AGMO: variants seen among roughly 807,000 people sequenced by gnomAD.
AGMO encodes alkylglycerol monooxygenase.
A neutral mutation model predicts 60.2 loss-of-function variants in AGMO; 75 were observed. That is an observed-to-expected ratio of 1.25 (90% CI 1.03 to 1.51). The LOEUF (loss-of-function observed/expected upper bound fraction) is 1.51, where lower values mean the gene tolerates loss of function less well. AGMO is among the 40% of genes most tolerant of loss of function. The pLI, the probability that AGMO is intolerant of heterozygous loss-of-function variation, is 0.00. For missense variants in AGMO, 763 were observed against 525.5 expected (o/e 1.45, Z -4.42); for synonymous variants, 261 against 177.1 (o/e 1.47, Z -3.76).
chr7:15,437,531 C>CTT (rs201021445), intron 3 of AGMO, among the ~76,000 whole-genome samples: 34 of 120,582 alleles, frequency 2.8e-4, no homozygotes, highest in East Asian at 1.1e-3. Context: ...AAATTTTTTC[C>CTT]TTTTTTTTTT....
At chr7:15,509,295 A>G (rs2128529355) in intron 3 of AGMO, among the ~76,000 whole-genome samples, 1 of 152,254 alleles carries the variant, frequency 6.6e-6, no homozygotes. Context: ...CTAATTTTCA[A>G]CAACACCAAA....
intron 8 of AGMO, among the ~76,000 whole-genome samples, chr7:15,388,199 A>G (rs1326007205): frequency 1.3e-5 from 2 of 152,190 alleles, no homozygotes; most frequent in Admixed American, 6.5e-5. Flanking sequence ...TTAAAATATG[A>G]CAATAAGGAA....
intron 12 of AGMO, among the ~76,000 whole-genome samples, chr7:15,344,275 T>C (rs1040582642): frequency 2.0e-5 from 3 of 152,220 alleles, no homozygotes; most frequent in African/African-American, 7.2e-5. Flanking sequence ...TAAAAATGTT[T>C]AGTCTTTTCT....
At chr7:15,295,593 T>G (rs1489163361) in intron 12 of AGMO, among the ~76,000 whole-genome samples, 1 of 152,128 alleles carries the variant, frequency 6.6e-6, no homozygotes, top group African/African-American at 2.4e-5. Flanking sequence ...TCGCTATTAA[T>G]AGTATAATTT....
intron 12 of AGMO, among the ~76,000 whole-genome samples, chr7:15,358,921 T>C (rs1782646335): frequency 6.6e-6 from 1 of 152,318 alleles, no homozygotes; most frequent in East Asian, 1.9e-4. Context: ...ATAGAAGCGA[T>C]TTTAACAATG....
chr7:15,400,413 A>C (rs543518254), intron 5 of AGMO, among the ~76,000 whole-genome samples: 3 of 152,290 alleles, frequency 2.0e-5, no homozygotes, highest in African/African-American at 7.2e-5. Context: ...CCACAGTAAG[A>C]ATTATCTGGT....
intron 6 of AGMO, among the ~76,000 whole-genome samples, chr7:15,393,697 T>C (rs903920513): frequency 1.2e-4 from 19 of 152,204 alleles, no homozygotes; most frequent in Non-Finnish European, 7.3e-5. Context: ...GTGTTGTTTA[T>C]TGGGCTCTCC....
chr7:15,417,369 G>A (rs1780801102), intron 5 of AGMO, among the ~76,000 whole-genome samples: 1 of 152,118 alleles, frequency 6.6e-6, no homozygotes, highest in Non-Finnish European at 1.5e-5. Flanking sequence ...CGGGACACAG[G>A]AAGAGGTGAA....
the AGMO span, among the ~76,000 whole-genome samples, chr7:15,182,375 G>A: frequency 6.6e-6 from 1 of 152,174 alleles, no homozygotes; most frequent in South Asian, 2.1e-4. Flanking sequence ...ATTGTACCAC[G>A]ATAAAAAATT....
chr7:15,465,196 G>A (rs1009763315), intron 3 of AGMO, among the ~76,000 whole-genome samples: 5 of 151,892 alleles, frequency 3.3e-5, no homozygotes, highest in African/African-American at 9.7e-5. Flanking sequence ...CCTATTGCGA[G>A]CCGAACTCAC....
chr7:15,379,353 A>C (rs1783584215), intron 10 of AGMO, among the ~76,000 whole-genome samples: 2 of 152,210 alleles, frequency 1.3e-5, no homozygotes, highest in East Asian at 3.9e-4. Context: ...ACATTAATCA[A>C]GTAGAAAAAC....
chr7:15,531,090 A>G (rs369298979), intron 3 of AGMO, among the ~76,000 whole-genome samples: 11,593 of 62,726 alleles, frequency 0.18, 3,828 homozygotes, highest in East Asian at 0.31. Flanking sequence ...TTCTATATAT[A>G]TATTCTATAT....
chr7:15,560,823 T>C (rs1396855310), intron 1 of AGMO, among the ~76,000 whole-genome samples: 2 of 152,204 alleles, frequency 1.3e-5, no homozygotes, highest in Non-Finnish European at 2.9e-5. Flanking sequence ...GTTTTGATTT[T>C]TGTTTCACAT....
chr7:15,323,076 T>G (rs1455444496), intron 12 of AGMO, among the ~76,000 whole-genome samples: 2 of 151,620 alleles, frequency 1.3e-5, no homozygotes, highest in Non-Finnish European at 2.9e-5. Flanking sequence ...GGAAAGAAAT[T>G]AGACTATCTA....
chr7:15,524,368 G>T (rs187603855), intron 3 of AGMO, among the ~76,000 whole-genome samples: 8 of 151,980 alleles, frequency 5.3e-5, no homozygotes, highest in African/African-American at 1.9e-4. Flanking sequence ...TGATTCAGAC[G>T]ATTTTCAAAA....
At chr7:15,254,684 A>G (rs1363393375) in intron 12 of AGMO, among the ~76,000 whole-genome samples, 1 of 152,146 alleles carries the variant, frequency 6.6e-6, no homozygotes, top group Non-Finnish European at 1.5e-5. Context: ...CGAAAGATCA[A>G]TGAGACAAAG....
chr7:15,502,645 A>G (rs1043254630), intron 3 of AGMO, among the ~76,000 whole-genome samples: 1 of 152,010 alleles, frequency 6.6e-6, no homozygotes, highest in African/African-American at 2.4e-5. Context: ...AAGATGAACT[A>G]CAGAAAGGAA....
intron 3 of AGMO, among the ~76,000 whole-genome samples, chr7:15,537,380 T>C (rs1339914906): frequency 6.6e-6 from 1 of 152,184 alleles, no homozygotes; most frequent in East Asian, 1.9e-4. Context: ...TTTTCTGCAA[T>C]GTAAGAGTTA....
chr7:15,395,366 A>G (rs901513186), intron 5 of AGMO, among the ~76,000 whole-genome samples: 3 of 152,242 alleles, frequency 2.0e-5, no homozygotes, highest in Non-Finnish European at 4.4e-5. Flanking sequence ...TTTAAGATGC[A>G]TAACTAAATT....
Sources: allele counts gnomAD v4.1 joint callset (sites outside exome capture counted in the v4.1 genomes callset), GRCh38; gene constraint gnomAD v4.1.1; transcripts MANE v1.5; gene names NCBI Gene and HGNC (gene_info 2026-07-23, HGNC 2026-07-21).